Variants in ZNF385D observed in about 807,000 individuals in gnomAD.
ZNF385D encodes the protein zinc finger protein 385D.
A neutral mutation model predicts 35.8 loss-of-function variants in ZNF385D; 15 were observed. The observed-to-expected ratio is 0.42, with a 90% CI of 0.28 to 0.64. The LOEUF is 0.64. Among genes scored for constraint, ZNF385D ranks in the 30% least tolerant of loss-of-function variants. The probability of loss-of-function intolerance (pLI) is 0.23; values close to 1 mark genes in which losing one functional copy is unlikely to be tolerated. For synonymous variants in ZNF385D, 212 were observed against 186.8 expected, an observed-to-expected ratio of 1.13 and a Z score of -1.10; for missense variants, 474 against 494.6, an observed-to-expected ratio of 0.96 and a Z score of 0.39.
At chr3:21,805,070 G>C (rs1461926807) in intron 3 of ZNF385D, among the ~76,000 whole-genome samples, 1 of 152,132 alleles carries the variant, frequency 6.6e-6, no homozygotes, top group African/African-American at 2.4e-5. Flanking sequence ...GTGGGTTTCC[G>C]CTTTCAAACT....
At chr3:21,983,526 G>A (rs1359117726) in intron 3 of ZNF385D, among the ~76,000 whole-genome samples, 1 of 143,610 alleles carries the variant, frequency 7.0e-6, no homozygotes, top group African/African-American at 2.6e-5. Context: ...AGTATTCCAT[G>A]GTGTATATGT....
chr3:21,673,942 C>T (rs910125008), intron 1 of ZNF385D, among the ~76,000 whole-genome samples: 2 of 152,100 alleles, frequency 1.3e-5, no homozygotes, highest in African/African-American at 4.8e-5. Flanking sequence ...CTTACTACAT[C>T]TGTCTCTCAG....
chr3:21,852,247 G>T (rs1239230893), intron 3 of ZNF385D, among the ~76,000 whole-genome samples: 1 of 151,792 alleles, frequency 6.6e-6, no homozygotes, highest in Non-Finnish European at 1.5e-5. Flanking sequence ...GTCTCTCATT[G>T]GGTTGCACAT....
chr3:21,726,710 T>C (rs113342185), intron 1 of ZNF385D, among the ~76,000 whole-genome samples: 65 of 152,306 alleles, frequency 4.3e-4, no homozygotes, highest in Non-Finnish European at 8.7e-4. Flanking sequence ...TGCTCATGGA[T>C]AGGAAGAACC....
At chr3:22,171,400 A>C (rs1023099934) in intron 2 of ZNF385D, among the ~76,000 whole-genome samples, 1 of 152,248 alleles carries the variant, frequency 6.6e-6, no homozygotes. Flanking sequence ...TTATTTGCTT[A>C]CACATGAGAA....
intron 2 of ZNF385D, among the ~76,000 whole-genome samples, chr3:22,238,172 C>T (rs974102074): frequency 6.6e-6 from 1 of 151,090 alleles, no homozygotes; most frequent in African/African-American, 2.4e-5. Context: ...ACATATCTAT[C>T]CTTATGCCTG....
chr3:21,470,576 G>A (rs1477082403), intron 4 of ZNF385D, among the ~76,000 whole-genome samples: 1 of 152,154 alleles, frequency 6.6e-6, no homozygotes, highest in African/African-American at 2.4e-5. Flanking sequence ...CAAGTGAGAT[G>A]TGTGCTTAAA....
chr3:22,161,953 G>A (rs1413849070), intron 3 of ZNF385D, among the ~76,000 whole-genome samples: 1 of 152,182 alleles, frequency 6.6e-6, no homozygotes, highest in Non-Finnish European at 1.5e-5. Context: ...TTACTGGCAA[G>A]TCTGTTAGGT....
At chr3:22,234,007 C>T (rs1699038793) in intron 2 of ZNF385D, among the ~76,000 whole-genome samples, 1 of 152,062 alleles carries the variant, frequency 6.6e-6, no homozygotes, top group East Asian at 1.9e-4. Context: ...TACTTGAAAA[C>T]AAATCTACTC....
intron 2 of ZNF385D, among the ~76,000 whole-genome samples, chr3:21,607,062 C>T (rs79713293): frequency 5.3e-5 from 8 of 152,140 alleles, no homozygotes; most frequent in Non-Finnish European, 1.2e-4. Flanking sequence ...ACAGAGTAGA[C>T]AATTTATTTA....
At chr3:22,025,288 A>G (rs1697468388) in intron 3 of ZNF385D, among the ~76,000 whole-genome samples, 1 of 152,136 alleles carries the variant, frequency 6.6e-6, no homozygotes, top group South Asian at 2.1e-4. Context: ...GGCAGTTGCC[A>G]GGAAAGATAA....
rs139763365 is a variant in ZNF385D at position 21,626,100 on chromosome 3, A to G, written c.165+38786T>C. Among the ~76,000 whole-genome samples the G allele has an allele frequency of 7.3e-3, 1,116 of 152,244 alleles. 14 individuals are homozygous for G. Among genetic ancestry groups the G allele is most frequent in the African/African-American group, 0.025 (1,024 of 41,566 alleles). ...GGTTACACAAATCACCCAAGGTCAC[A>G]TACCTAGGATTCAACACCAGGTCTG... On this transcript the variant is annotated intron_variant, in intron 2 of 7. Transcript: ENST00000281523.
chr3:21,931,946 G>T (rs758248914), intron 3 of ZNF385D, among the ~76,000 whole-genome samples: 2 of 151,810 alleles, frequency 1.3e-5, no homozygotes, highest in Non-Finnish European at 2.9e-5. Flanking sequence ...CAGATCACGA[G>T]GTCATGAGAT....
chr3:21,891,322 T>TA (rs879679891), intron 3 of ZNF385D, among the ~76,000 whole-genome samples: 88 of 151,938 alleles, frequency 5.8e-4, no homozygotes, highest in Admixed American at 6.6e-4. Flanking sequence ...AGATCACAGG[T>TA]AAAAAAAATA....
chr3:21,793,114 T>G (rs1438361425), intron 3 of ZNF385D, among the ~76,000 whole-genome samples: 1 of 152,188 alleles, frequency 6.6e-6, no homozygotes, highest in African/African-American at 2.4e-5. Flanking sequence ...AAAGTTAGCA[T>G]TATTATATAG....
At chr3:21,891,264 T>A (rs1698848736) in intron 3 of ZNF385D, among the ~76,000 whole-genome samples, 1 of 152,182 alleles carries the variant, frequency 6.6e-6, no homozygotes, top group South Asian at 2.1e-4. Context: ...GTCAGTATTA[T>A]CTATCTAATG....
At chr3:21,563,734 G>C (rs890707942) in intron 3 of ZNF385D, among the ~76,000 whole-genome samples, 1 of 152,148 alleles carries the variant, frequency 6.6e-6, no homozygotes, top group African/African-American at 2.4e-5. Flanking sequence ...GGAGCCTTCT[G>C]TTTGCCTAGA....
intron 2 of ZNF385D, among the ~76,000 whole-genome samples, chr3:21,657,771 GAA>G (rs2066116483): frequency 6.6e-6 from 1 of 151,906 alleles, no homozygotes; most frequent in Non-Finnish European, 1.5e-5. Flanking sequence ...AACTTAGTAA[GAA>G]TAGTTATTAA....
intron 2 of ZNF385D, among the ~76,000 whole-genome samples, chr3:22,246,551 G>T (rs1699793216): frequency 6.6e-6 from 1 of 152,098 alleles, no homozygotes; most frequent in Non-Finnish European, 1.5e-5. Context: ...TCAAAGCCTA[G>T]ACCTGACTTT....
Sources: gnomAD v4.1 joint callset for allele counts (sites outside exome capture counted in the v4.1 genomes callset) on GRCh38, gnomAD v4.1.1 for gene constraint, MANE v1.5 for transcripts, NCBI Gene and HGNC (gene_info 2026-07-23, HGNC 2026-07-21) for gene names.